Variants in VCPIP1 observed in about 807,000 individuals in gnomAD.
The protein encoded by VCPIP1 is deubiquitinating protein VCPIP1.
VCPIP1 carries 8 observed loss-of-function variants against 85.0 expected under a neutral mutation model. The observed-to-expected ratio is 0.09, with a 90% CI of 0.06 to 0.17. The LOEUF is 0.17. VCPIP1 is among the 10% of genes least tolerant of loss of function. The pLI, the probability that VCPIP1 is intolerant of heterozygous loss-of-function variation, is 1.00. For synonymous variants in VCPIP1, 543 were observed against 544.5 expected, an observed-to-expected ratio of 1.00 and a Z score of 0.04; for missense variants, 1,070 against 1,486.3, an observed-to-expected ratio of 0.72 and a Z score of 4.61.
At position 66,666,334 on chromosome 8, in the gene VCPIP1, T is replaced by C. The variant is rs1017964065; in HGVS notation, c.625A>G (p.Ile209Val). 30 of 1,613,858 alleles carry C rather than the reference T, an allele frequency of 1.9e-5. No homozygotes were observed. Among genetic ancestry groups the C allele is most frequent in the Non-Finnish European group, 2.5e-5 (29 of 1,179,766 alleles). ...CCATCCCCGTCCACATGCACTGGAATGAGACATTCCTGGCTTTTATTGGCC... is the reference window on the plus strand; with the variant it reads ...CCATCCCCGTCCACATGCACTGGAACGAGACATTCCTGGCTTTTATTGGCC... ...KRANKSQECL[I>V]PVHVDGDGHC... Residue 209 changes from isoleucine to valine, a missense_variant, in exon 1 of 3, where the codon ATT becomes GTT. Ile to Val is a conservative substitution (Grantham distance 29, BLOSUM62 3). Around this residue, in one of 8 missense-constraint regions of VCPIP1, gnomAD observed 118 missense variants for 337.1 expected, o/e 0.35. Transcript: ENST00000310421. This position sits in a 1 kb window ranked among gnomAD's most constrained non-coding sequence, Gnocchi z 6.3.
At chr8:66,636,894 A>G (rs1355551172) in intron 2 of VCPIP1, among the ~76,000 whole-genome samples, 1 of 152,056 alleles carries the variant, frequency 6.6e-6, no homozygotes, top group Non-Finnish European at 1.5e-5. Flanking sequence ...GATGCCTGAT[A>G]TATACAGTAA....
At chr8:66,659,523 C>A (rs1172749994) in intron 1 of VCPIP1, among the ~76,000 whole-genome samples, 1 of 152,108 alleles carries the variant, frequency 6.6e-6, no homozygotes, top group African/African-American at 2.4e-5. Flanking sequence ...AAGACTAATA[C>A]ACCTACTTAT....
intron 2 of VCPIP1, among the ~76,000 whole-genome samples, chr8:66,638,966 C>A (rs137881600): frequency 0.078 from 10,156 of 130,084 alleles, 476 homozygotes; most frequent in African/African-American, 0.14. Context: ...CTCTCTCTCT[C>A]TCTCTATATA....
chr8:66,664,826 T>C lies in VCPIP1; in HGVS notation c.2133A>G (p.Lys711=), dbSNP rs61753691. 6.7e-3 allele frequency: 10,737 copies of C among 1,613,252 alleles called. 46 individuals carry two copies. The highest frequency in any genetic ancestry group is 0.013 in the Middle Eastern group (81 of 6,050). The change falls in exon 1 of 3, where the codon AAA becomes AAG. Residue 711 remains lysine, a synonymous_variant. Coordinates refer to ENST00000310421, the MANE Select transcript of VCPIP1 (RefSeq NM_025054.5). ...TATTCTGTTGAATAGTTCTTTCAGT[T>C]TTACTCATGTTTAACTCCTCCTTGT... The part of the protein sequence containing the change: ...TLHKEELNMS[K]TERTIQQNIT...
At chr8:66,662,197 C>G (rs1316036289) in intron 1 of VCPIP1, among the ~76,000 whole-genome samples, 1 of 152,170 alleles carries the variant, frequency 6.6e-6, no homozygotes, top group Admixed American at 6.5e-5. Flanking sequence ...AACTTGTTAT[C>G]AGGAAGCTAA....
At chr8:66,635,650 A>G (rs553532912) in intron 2 of VCPIP1, among the ~76,000 whole-genome samples, 2 of 152,298 alleles carry the variant, frequency 1.3e-5, no homozygotes, top group East Asian at 1.9e-4. Flanking sequence ...AGTGGCTCAC[A>G]CATGTAAACC....
rs1001931336 is a variant in VCPIP1 at position 66,635,061 on chromosome 8, C to G, written c.3109G>C (p.Gly1037Arg). The change falls in exon 3 of 3, where the codon GGT becomes CGT. Residue 1037 changes from glycine (G) to arginine (R), a missense_variant. By Grantham distance (125) the Gly-to-Arg change is moderately radical. Transcript: ENST00000310421. ...GCTCTTGGATCAAGGTGTGGGTTAC[C>G]AGATGCAGTTCCTAAAGAATGCCCT... Reference protein sequence around the residue: ...GKGHSLGTASGNPHLDPRARE... With the variant: ...GKGHSLGTASRNPHLDPRARE... The G allele has an allele frequency of 5.0e-6, 8 of 1,613,908 alleles. No individual in the cohort carries two copies. The African/African-American group carries it at 8.0e-5, about 16-fold the overall frequency.
intron 2 of VCPIP1, among the ~76,000 whole-genome samples, chr8:66,647,371 A>G (rs539194295): frequency 1.8e-4 from 28 of 151,632 alleles, no homozygotes; most frequent in African/African-American, 6.7e-4. Flanking sequence ...AAGTAAGTAA[A>G]TAAATAAATA....
At chr8:66,658,510 GAC>G (rs1342920676) in intron 1 of VCPIP1, among the ~76,000 whole-genome samples, 1 of 150,800 alleles carries the variant, frequency 6.6e-6, no homozygotes. Flanking sequence ...CTTTTTTTGA[GAC>G]AGAGTCTCAC....
At chr8:66,650,525 G>A (rs541087718) in intron 2 of VCPIP1, among the ~76,000 whole-genome samples, 1 of 152,220 alleles carries the variant, frequency 6.6e-6, no homozygotes, top group African/African-American at 2.4e-5. Context: ...TGAAGATACA[G>A]ACATACACTT....
At chr8:66,635,801 T>C (rs1810879084) in intron 2 of VCPIP1, among the ~76,000 whole-genome samples, 1 of 150,006 alleles carries the variant, frequency 6.7e-6, no homozygotes, top group African/African-American at 2.5e-5. Context: ...TAATCCCAGC[T>C]ACTTGGGAGG....
chr8:66,648,435 A>T (rs954581241), intron 2 of VCPIP1, among the ~76,000 whole-genome samples: 1 of 152,130 alleles, frequency 6.6e-6, no homozygotes, highest in African/African-American at 2.4e-5. Flanking sequence ...TTGATCATTT[A>T]TCTAATCTAT....
intron 1 of VCPIP1, among the ~76,000 whole-genome samples, chr8:66,658,857 A>AAT (rs1347028267): frequency 4.6e-5 from 7 of 152,082 alleles, no homozygotes; most frequent in South Asian, 4.1e-4. Flanking sequence ...GTGTATTTTA[A>AAT]ATATATATAT....
intron 1 of VCPIP1, among the ~76,000 whole-genome samples, chr8:66,663,589 CA>C (rs1811178142): frequency 6.6e-6 from 1 of 152,206 alleles, no homozygotes; most frequent in African/African-American, 2.4e-5. Flanking sequence ...TGATTAAAAA[CA>C]AATACTTCTT....
At chr8:66,661,157 A>G (rs1454878857) in intron 1 of VCPIP1, among the ~76,000 whole-genome samples, 2 of 152,260 alleles carry the variant, frequency 1.3e-5, no homozygotes, top group African/African-American at 4.8e-5. Context: ...TTCAATTTAA[A>G]GCAGAAAGTA....
Position 66,666,444 on chromosome 8 carries a change from G to C in VCPIP1, c.515C>G (p.Pro172Arg), listed in dbSNP as rs745549563. Residue 172 changes from proline to arginine, a missense_variant, in exon 1 of 3, where the codon CCA becomes CGA. Around this residue, in one of 8 missense-constraint regions of VCPIP1, gnomAD observed 118 missense variants for 337.1 expected, o/e 0.35. Coordinates refer to ENST00000310421, the MANE Select transcript of VCPIP1 (RefSeq NM_025054.5). The surrounding 1 kb of genome is among the most constrained non-coding windows in gnomAD (Gnocchi z 6.3). ...ATAGCCCACAGTGTTAACATGCTCT[G>C]GTTCTATGAGGAAGGCGCGGTCACC... ...LLGDRAFLIEPEHVNTVGYGK... is the reference protein window; with the variant it reads ...LLGDRAFLIEREHVNTVGYGK... 1.2e-5 allele frequency: 20 copies of C among 1,614,048 alleles called. No individual in the cohort carries two copies. Among genetic ancestry groups the C allele is most frequent in the Middle Eastern group, 1.6e-4 (1 of 6,084 alleles).
chr8:66,648,814 C>CCCA (rs1811023383), intron 2 of VCPIP1, among the ~76,000 whole-genome samples: 1 of 152,102 alleles, frequency 6.6e-6, no homozygotes, highest in South Asian at 2.1e-4. Flanking sequence ...AACTCGGCCT[C>CCCA]CCAAAGTGCT....
At chr8:66,647,224 C>A (rs995162729) in intron 2 of VCPIP1, among the ~76,000 whole-genome samples, 3 of 151,678 alleles carry the variant, frequency 2.0e-5, no homozygotes, top group Non-Finnish European at 4.4e-5. Context: ...GCCTGTAATC[C>A]CAGCTACTTG....
intron 1 of VCPIP1, among the ~76,000 whole-genome samples, chr8:66,658,051 T>C (rs1811116901): frequency 6.6e-6 from 1 of 152,118 alleles, no homozygotes; most frequent in African/African-American, 2.4e-5. Context: ...AATAATAATA[T>C]GCAGCCAGAC....
Sources: allele counts gnomAD v4.1 joint callset (sites outside exome capture counted in the v4.1 genomes callset), GRCh38; gene constraint gnomAD v4.1.1; regional missense constraint gnomAD v4.1.1; non-coding constraint Gnocchi (gnomAD v3.1); transcripts MANE v1.5; gene names NCBI Gene and HGNC (gene_info 2026-07-23, HGNC 2026-07-21).